Variants in ATG4A observed in about 807,000 individuals in gnomAD.
ATG4A encodes the protein autophagy related 4A cysteine peptidase.
A neutral mutation model predicts 38.4 loss-of-function variants in ATG4A; 22 were observed. The observed-to-expected ratio is 0.57, with a 90% CI of 0.41 to 0.82. The LOEUF (loss-of-function observed/expected upper bound fraction) is 0.82, where lower values mean the gene tolerates loss of function less well. Ranked by LOEUF, ATG4A falls within the 40% of genes least tolerant of loss-of-function variation. The pLI is 0.00. For synonymous variants in ATG4A, 86 were observed against 100.7 expected (o/e 0.85, Z 0.88); for missense variants, 220 against 290.0 (o/e 0.76, Z 1.75).
intron 9 of ATG4A, among the ~76,000 whole-genome samples, chrX:108,141,277 C>G (rs1331584980): frequency 1.9e-5 from 2 of 104,328 alleles, no homozygotes; most frequent in Admixed American, 2.1e-4. Flanking sequence ...GTTCATGGGC[C>G]CATTGGGTGA....
At chrX:108,092,014 G>A in intron 1 of ATG4A, 178 bp downstream of exon 1, 1 of 791,962 alleles carries the variant, frequency 1.3e-6, no homozygotes, top group African/African-American at 2.1e-5. Flanking sequence ...GACAAGGGTT[G>A]GAGCTGAGTA....
intron 1 of ATG4A, among the ~76,000 whole-genome samples, chrX:108,115,686 T>C (rs760962777): frequency 6.2e-5 from 7 of 112,386 alleles, no homozygotes; most frequent in Non-Finnish European, 1.3e-4. Flanking sequence ...AAATCATGAA[T>C]AGAAGTTGCT....
intron 3 of ATG4A, among the ~76,000 whole-genome samples, chrX:108,129,913 A>G (rs1187855908): frequency 2.0e-5 from 2 of 97,997 alleles, no homozygotes; most frequent in African/African-American, 3.8e-5. Flanking sequence ...GAAATACCCC[A>G]GTCACTAACA....
intron 1 of ATG4A, among the ~76,000 whole-genome samples, chrX:108,102,584 A>G (rs1602612323): frequency 9.0e-6 from 1 of 111,163 alleles, no homozygotes; most frequent in East Asian, 2.8e-4. Flanking sequence ...TATTGCCTAT[A>G]CTTTTGGTGT....
intron 3 of ATG4A, among the ~76,000 whole-genome samples, chrX:108,129,603 C>CACTG (rs1448505045): frequency 9.8e-6 from 1 of 101,894 alleles, no homozygotes; most frequent in Non-Finnish European, 2.0e-5. Flanking sequence ...CGGAGTCTCG[C>CACTG]ACTGTCACCC....
chrX:108,140,939 T>TATATACACATATATACATATATATAC (rs1237397961), intron 9 of ATG4A, among the ~76,000 whole-genome samples: 34 of 40,748 alleles, frequency 8.3e-4, no homozygotes, highest in African/African-American at 2.7e-3. Context: ...TATATATACA[T>TATATACACATATATACATATATATAC]ATATATACAC....
intron 3 of ATG4A, among the ~76,000 whole-genome samples, chrX:108,129,554 ACTTTT>A (rs1278745988): frequency 4.6e-5 from 5 of 109,054 alleles, no homozygotes; most frequent in Admixed American, 1.9e-4. Context: ...GGTCACACAG[ACTTTT>A]CTTTTCTTTC....
intron 1 of ATG4A, among the ~76,000 whole-genome samples, chrX:108,112,377 C>G (rs1362314203): frequency 2.7e-5 from 3 of 110,101 alleles, no homozygotes; most frequent in Non-Finnish European, 5.7e-5. Context: ...TTTTCTAAAA[C>G]ACAATCTACT....
chrX:108,137,713 G>A, intron 7 of ATG4A, 91 bp from the exon 8 acceptor site: 1 of 909,004 alleles, frequency 1.1e-6, no homozygotes. Context: ...AGGGTGGGGG[G>A]CATGTGAGGT....
At chrX:108,150,413 T>G in intron 10 of ATG4A, 116 bp downstream of exon 10, 1 of 952,330 alleles carries the variant, frequency 1.1e-6, no homozygotes, top group Non-Finnish European at 1.5e-6. Context: ...CTATCCCCAT[T>G]AGAGGCAGTA....
At chrX:108,148,503 C>A (rs1269580374) in intron 9 of ATG4A, among the ~76,000 whole-genome samples, 1 of 86,175 alleles carries the variant, frequency 1.2e-5, no homozygotes, top group Non-Finnish European at 2.3e-5. Context: ...TTGTAAAGCT[C>A]CACTCCATGC....
rs1394039843 is a variant in ATG4A, at chrX:108,147,224, A to G, written c.815-2928A>G. ...GGCCATCACTGTTGCTTCAGGCAGC[A>G]CAGGGTTTATCTCCTCAGTCAAAGG... On this transcript the variant is annotated intron_variant, in intron 9 of 12. Transcript: ENST00000372232. Among the ~76,000 whole-genome samples, 5 of 111,325 alleles carry G rather than the reference A, an allele frequency of 4.5e-5. No homozygotes were observed. In the Admixed American group the frequency reaches 4.8e-4, roughly 11 times the overall value.
chrX:108,113,903 C>A (rs1054778008), intron 1 of ATG4A, among the ~76,000 whole-genome samples: 1 of 112,068 alleles, frequency 8.9e-6, no homozygotes, highest in South Asian at 3.8e-4. Context: ...GGGGACACAG[C>A]CAAACCATAT....
chrX:108,139,318 G>T (rs2033178807), intron 9 of ATG4A, among the ~76,000 whole-genome samples: 1 of 111,909 alleles, frequency 8.9e-6, no homozygotes. Flanking sequence ...TGTAAAATAG[G>T]GCTAATGCCT....
intron 9 of ATG4A, among the ~76,000 whole-genome samples, chrX:108,146,449 G>T (rs2345390): frequency 0.026 from 2,868 of 111,234 alleles, 90 homozygotes; most frequent in African/African-American, 0.089. Context: ...TGTCCATTAC[G>T]GTAGCTATGC....
chrX:108,125,102 C>G (rs2032764060), intron 1 of ATG4A, among the ~76,000 whole-genome samples: 1 of 111,609 alleles, frequency 9.0e-6, no homozygotes, highest in African/African-American at 3.3e-5. Context: ...GTTTTGTGGA[C>G]TAGCTTGGAA....
Position 108,134,383 on chromosome X carries a change from G to T in ATG4A, c.439G>T (p.Gly147Ter). Residue 147 changes from glycine (G) to a stop codon, truncating the protein, a stop_gained, in exon 6 of 13, where the codon GGA (glycine) becomes TGA (stop). Coordinates refer to ENST00000372232, the MANE Select transcript of ATG4A (RefSeq NM_052936.5). LOFTEE classifies it high-confidence loss of function. The part of the protein sequence containing the change: ...GEGKSIGEWF[G>*]PNTVAQVLKK... Reference sequence around the variant, plus strand: ...AGGGAAATCAATTGGAGAATGGTTTGGACCAAATACAGTTGCACAGGTGTT... The same window carrying T: ...AGGGAAATCAATTGGAGAATGGTTTTGACCAAATACAGTTGCACAGGTGTT... 1 of 1,210,852 alleles carries T rather than the reference G, an allele frequency of 8.3e-7. No individual in the cohort carries two copies.
At chrX:108,099,979 C>G (rs912776851) in intron 1 of ATG4A, among the ~76,000 whole-genome samples, 3 of 111,298 alleles carry the variant, frequency 2.7e-5, no homozygotes, top group African/African-American at 9.8e-5. Context: ...ATAAACTTGC[C>G]TATATCTGAA....
At chrX:108,105,582 C>G (rs981577385) in intron 1 of ATG4A, among the ~76,000 whole-genome samples, 1 of 111,298 alleles carries the variant, frequency 9.0e-6, no homozygotes, top group Non-Finnish European at 1.9e-5. Flanking sequence ...GAATATTCCA[C>G]TTGTTTCCCT....
Sources: gnomAD v4.1 joint callset for allele counts (sites outside exome capture counted in the v4.1 genomes callset) on GRCh38, gnomAD v4.1.1 for gene constraint, MANE v1.5 for transcripts, NCBI Gene and HGNC (gene_info 2026-07-23, HGNC 2026-07-21) for gene names.